The following DPYD variants were observed in gnomAD, a reference collection of about 807,000 sequenced individuals.
DPYD encodes the protein dihydropyrimidine dehydrogenase [NADP(+)].
In DPYD, 109 loss-of-function variants were observed where a neutral mutation model predicts 116.2. That is an observed-to-expected ratio of 0.94 (90% confidence interval 0.80 to 1.10). The LOEUF is 1.10. Among genes scored for constraint, DPYD ranks in the 50% least tolerant of loss-of-function variants. The pLI, the probability that DPYD is intolerant of heterozygous loss-of-function variation, is 0.00. For synonymous variants in DPYD, 440 were observed against 432.0 expected, an observed-to-expected ratio of 1.02 and a Z score of -0.23; for missense variants, 1,302 against 1,254.5, an observed-to-expected ratio of 1.04 and a Z score of -0.57.
At chr1:97,644,990 A>G (rs945746256) in intron 8 of DPYD, among the ~76,000 whole-genome samples, 15 of 152,088 alleles carry the variant, frequency 9.9e-5, no homozygotes, top group African/African-American at 3.6e-4. Context: ...TTTTACATCA[A>G]CTTTCTTCCC....
At chr1:97,430,711 G>A (rs1451978261) in intron 14 of DPYD, among the ~76,000 whole-genome samples, 1 of 152,144 alleles carries the variant, frequency 6.6e-6, no homozygotes. Context: ...CGAGACTGCT[G>A]TCTGGTTAGT....
chr1:97,131,376 C>T (rs1281517089), intron 20 of DPYD, among the ~76,000 whole-genome samples: 5 of 152,078 alleles, frequency 3.3e-5, no homozygotes, highest in Non-Finnish European at 7.4e-5. Context: ...TGGTACTTTT[C>T]ATGCATGTAA....
chr1:97,469,862 A>T (rs1424801694), intron 13 of DPYD, among the ~76,000 whole-genome samples: 1 of 152,240 alleles, frequency 6.6e-6, no homozygotes, highest in Non-Finnish European at 1.5e-5. Context: ...CTTAGATAAC[A>T]TGGAGGATAC....
chr1:97,591,939 T>C (rs893978311), intron 10 of DPYD, among the ~76,000 whole-genome samples: 1 of 152,028 alleles, frequency 6.6e-6, no homozygotes, highest in Non-Finnish European at 1.5e-5. Context: ...CCTTGGATTT[T>C]ATAAAAAAGT....
intron 13 of DPYD, among the ~76,000 whole-genome samples, chr1:97,458,364 T>C (rs1302699470): frequency 1.3e-5 from 2 of 152,102 alleles, no homozygotes; most frequent in Admixed American, 1.3e-4. Flanking sequence ...TTGAAAGGAA[T>C]CCCTTGCAAT....
At chr1:97,522,269 A>G (rs1024426590) in intron 12 of DPYD, among the ~76,000 whole-genome samples, 8 of 152,210 alleles carry the variant, frequency 5.3e-5, no homozygotes, top group Non-Finnish European at 1.2e-4. Context: ...ACACTTCTCA[A>G]AAGAAGATAT....
At chr1:97,369,173 A>C (rs1035663660) in intron 16 of DPYD, among the ~76,000 whole-genome samples, 3 of 152,212 alleles carry the variant, frequency 2.0e-5, no homozygotes, top group Non-Finnish European at 4.4e-5. Context: ...ATTTTACAGA[A>C]TTGGTTATAA....
intron 12 of DPYD, among the ~76,000 whole-genome samples, chr1:97,535,486 T>A (rs1421048406): frequency 6.6e-6 from 1 of 152,134 alleles, no homozygotes; most frequent in Non-Finnish European, 1.5e-5. Flanking sequence ...ATTCCCTACG[T>A]ATTGGATCAG....
rs946976694 is a variant in DPYD, at chr1:97,920,953, G to A, written c.-31C>T. 6 of 1,571,846 alleles carry A rather than the reference G, an allele frequency of 3.8e-6. No individual in the cohort carries two copies. Among genetic ancestry groups the A allele is most frequent in the African/African-American group, 1.4e-5 (1 of 73,456 alleles). The stretch of plus-strand genomic sequence containing the variant: ...TGCCTACAGTCTCGAGTCTGCCAGT[G>A]ACAAACCCTCCTTGCGTCCTCAAGC... On this transcript the variant is annotated 5_prime_UTR_variant, in exon 1 of 23. Coordinates refer to ENST00000370192, the MANE Select transcript of DPYD (RefSeq NM_000110.4).
intron 1 of DPYD, among the ~76,000 whole-genome samples, chr1:97,900,659 G>C (rs1673323910): frequency 6.6e-6 from 1 of 151,812 alleles, no homozygotes; most frequent in South Asian, 2.1e-4. Flanking sequence ...TTCATTGACT[G>C]CTAATAGGTT....
intron 8 of DPYD, among the ~76,000 whole-genome samples, chr1:97,627,159 T>C (rs1241366889): frequency 2.0e-5 from 3 of 151,870 alleles, no homozygotes; most frequent in African/African-American, 7.3e-5. Flanking sequence ...CTAATACCAT[T>C]ACAACAAGGG....
rs745982505 is a variant in DPYD at position 97,079,062 on chromosome 1, T to C, written c.2992A>G (p.Ile998Val). Residue 998 changes from isoleucine to valine, a missense_variant, in exon 23 of 23, where the codon ATT becomes GTT. Transcript: ENST00000370192. The stretch of plus-strand genomic sequence containing the variant: ...GAAACCATTTTGATGCAGTCGACAA[T>C]AGGGCAAACACTGAGACACAGAGTA... ...GCTLCLSVCP[I>V]VDCIKMVSRT... 5.6e-6 allele frequency: 9 copies of C among 1,613,560 alleles called. No homozygotes were observed. In the African/African-American group the frequency reaches 6.7e-5, roughly 12 times the overall value.
At chr1:97,206,638 T>TTA (rs57893705) in intron 19 of DPYD, among the ~76,000 whole-genome samples, 640 of 48,860 alleles carry the variant, frequency 0.013, 10 homozygotes, top group Non-Finnish European at 0.024. Flanking sequence ...CAGGGAGATT[T>TTA]TATATATATA....
chr1:97,367,412 C>T (rs1271760969), intron 16 of DPYD, among the ~76,000 whole-genome samples: 6 of 151,930 alleles, frequency 3.9e-5, no homozygotes, highest in African/African-American at 1.4e-4. Context: ...TAAGGTTTAC[C>T]ACTTTTAAAC....
chr1:97,242,596 T>C (rs1030751944), intron 18 of DPYD, among the ~76,000 whole-genome samples: 2 of 151,726 alleles, frequency 1.3e-5, no homozygotes, highest in Non-Finnish European at 3.0e-5. Context: ...ATATACTTTT[T>C]ATTGTTGGAT....
At chr1:97,794,150 C>A (rs1394038685) in intron 3 of DPYD, among the ~76,000 whole-genome samples, 1 of 152,118 alleles carries the variant, frequency 6.6e-6, no homozygotes, top group Non-Finnish European at 1.5e-5. Context: ...GTTACCCAGA[C>A]TAGCCTCAAA....
intron 12 of DPYD, among the ~76,000 whole-genome samples, chr1:97,543,576 G>A (rs1650610630): frequency 6.6e-6 from 1 of 151,978 alleles, no homozygotes. Flanking sequence ...ACAAACTAAT[G>A]TAAAATATAA....
intron 3 of DPYD, among the ~76,000 whole-genome samples, chr1:97,765,966 A>G (rs1329683533): frequency 6.6e-6 from 1 of 152,190 alleles, no homozygotes; most frequent in Non-Finnish European, 1.5e-5. Flanking sequence ...TGTTGTGGCC[A>G]GGTGCGGTGG....
chr1:97,215,911 G>A (rs538352970), intron 19 of DPYD, among the ~76,000 whole-genome samples: 4 of 152,288 alleles, frequency 2.6e-5, no homozygotes, highest in African/African-American at 9.6e-5. Context: ...AGGGTCATTT[G>A]TGTCAATGGA....
Sources: allele counts gnomAD v4.1 joint callset (sites outside exome capture counted in the v4.1 genomes callset), GRCh38; gene constraint gnomAD v4.1.1; transcripts MANE v1.5; gene names NCBI Gene and HGNC (gene_info 2026-07-23, HGNC 2026-07-21).